Variants in PRODH2 observed in about 807,000 individuals in gnomAD.
PRODH2 encodes the protein hydroxyproline dehydrogenase.
PRODH2 carries 49 observed loss-of-function variants against 51.9 expected under a neutral mutation model. The ratio of observed to expected loss-of-function variants is 0.94; its 90% CI spans 0.75 to 1.20. The LOEUF (loss-of-function observed/expected upper bound fraction) is 1.20, where lower values mean the gene tolerates loss of function less well. Ranked by LOEUF, PRODH2 falls within the 50% of genes most tolerant of loss-of-function variation. The probability of loss-of-function intolerance (pLI) is 0.00; values close to 1 mark genes in which losing one functional copy is unlikely to be tolerated. For missense variants in PRODH2, 597 were observed against 610.9 expected, an observed-to-expected ratio of 0.98 and a Z score of 0.24; for synonymous variants, 249 against 260.7, an observed-to-expected ratio of 0.96 and a Z score of 0.43.
intron 4 of PRODH2, 110 bp downstream of exon 4, chr19:35,811,852 G>T: frequency 1.9e-6 from 2 of 1,058,650 alleles, no homozygotes; most frequent in African/African-American, 1.6e-5. Context: ...ACTTCTGCTG[G>T]CTGTTCCAAG....
intron 7 of PRODH2, among the ~76,000 whole-genome samples, chr19:35,805,755 T>C (rs1474927189): frequency 6.6e-6 from 1 of 152,210 alleles, no homozygotes; most frequent in Non-Finnish European, 1.5e-5. Flanking sequence ...CTGGAGCCCC[T>C]GCAGATCTTG....
In PRODH2 at chr19:35,802,966, A is replaced by G. The variant is rs1261534363; in HGVS notation, c.1112+2T>C. ...TTTCCCGCCCATCCCTCCACCTCAT[A>G]CCGCTTGGTTGCCTGGCGAACAGAT... On this transcript the variant is annotated splice_donor_variant, in intron 8 of 9. Transcript: ENST00000653904. LOFTEE classifies it high-confidence loss of function. The G allele has an allele frequency of 6.5e-7, 1 of 1,543,496 alleles. No homozygotes were observed. The highest frequency in any genetic ancestry group is 1.9e-5 in the Admixed American group (1 of 52,246).
chr19:35,812,350 C>T lies in PRODH2; in HGVS notation c.371+10G>A. 2 of 1,610,662 alleles carry T rather than the reference C, an allele frequency of 1.2e-6. No homozygotes were observed. The highest frequency in any genetic ancestry group is 1.7e-6 in the Non-Finnish European group (2 of 1,177,392). ...CTCCCAGCCTCCCTGGGCCCTGGCTCCCTACTCACCCACTCTTGGCAGCAG... is the reference window on the plus strand; with the variant it reads ...CTCCCAGCCTCCCTGGGCCCTGGCTTCCTACTCACCCACTCTTGGCAGCAG... On this transcript the variant is annotated intron_variant, in intron 2 of 9. Transcript: ENST00000653904.
rs773367641 is a variant in PRODH2, at chr19:35,806,809, G to T, written c.700C>A (p.Arg234=). 7.5e-6 allele frequency: 12 copies of T among 1,608,392 alleles called. No individual in the cohort carries two copies. The highest frequency in any genetic ancestry group is 1.7e-5 in the Admixed American group (1 of 59,272). ...GTGTACTCCGCATCCACCAGGAGCC[G>T]CACGTGCTGGGCCCGGGCATACTGA... ...VAQYARAQHV[R]LLVDAEYTSL... Residue 234 remains arginine (R), a synonymous_variant, in exon 6 of 10, where the codon CGG becomes AGG. Transcript: ENST00000653904.
intron 9 of PRODH2, 164 bp downstream of exon 9, chr19:35,802,027 C>A: frequency 1.5e-6 from 1 of 650,358 alleles, no homozygotes; most frequent in Non-Finnish European, 2.7e-6. Flanking sequence ...AAATGACAGA[C>A]GGCAGACACA....
At chr19:35,800,946 G>A (rs1422033374) in intron 9 of PRODH2, among the ~76,000 whole-genome samples, 2 of 152,120 alleles carry the variant, frequency 1.3e-5, no homozygotes, top group African/African-American at 2.4e-5. Flanking sequence ...CTGGAGGGCA[G>A]TGGCACAATC....
chr19:35,806,336 A>G, intron 7 of PRODH2, 94 bp downstream of exon 7: 2 of 1,464,042 alleles, frequency 1.4e-6, no homozygotes, highest in Non-Finnish European at 1.9e-6. Flanking sequence ...CTCTAGCCTC[A>G]GCCTCCCAAA....
chr19:35,806,690 G>A lies in PRODH2; in HGVS notation c.819C>T (p.Tyr273=), dbSNP rs147676909. 5.7e-5 allele frequency: 92 copies of A among 1,614,062 alleles called. No homozygotes were observed. Among genetic ancestry groups the A allele is most frequent in the Admixed American group, 1.8e-4 (11 of 59,992 alleles). ...GEGGPWVWNT[Y]QACLKDTFER... Reference sequence around the variant, plus strand: ...CACTGCACACCTTTAGACAGGCCTGGTAGGTGTTCCACACCCAGGGCCCGC... The same window carrying A: ...CACTGCACACCTTTAGACAGGCCTGATAGGTGTTCCACACCCAGGGCCCGC... The change falls in exon 6 of 10, where the codon TAC becomes TAT. Residue 273 remains tyrosine (Y), a synonymous_variant. Coordinates refer to ENST00000653904, the MANE Select transcript of PRODH2 (RefSeq NM_021232.2).
Position 35,806,535 on chromosome 19 carries a change from C to G in PRODH2, c.896G>C (p.Gly299Ala). ...EAAHRAGLAF[G>A]VKLVRGAYLD... ...ATATGCACCTCGTACCAGCTTCACTCCGAAGGCCAGGCCGGCCCTGTGCGC... is the reference window on the plus strand; with the variant it reads ...ATATGCACCTCGTACCAGCTTCACTGCGAAGGCCAGGCCGGCCCTGTGCGC... Residue 299 changes from glycine to alanine, a missense_variant, in exon 7 of 10, where the codon GGA (glycine) becomes GCA (alanine). By Grantham distance (60) the Gly-to-Ala change is moderately conservative. Coordinates refer to ENST00000653904, the MANE Select transcript of PRODH2 (RefSeq NM_021232.2). 6.2e-7 allele frequency: 1 copy of G among 1,614,190 alleles called. No individual in the cohort carries two copies. Among genetic ancestry groups the G allele is most frequent in the Non-Finnish European group, 8.5e-7 (1 of 1,180,040 alleles).
In PRODH2 at chr19:35,812,744, G is replaced by T. The variant is rs1349490937; in HGVS notation, c.62C>A (p.Ser21Tyr). ...GAAGGCCCCGCCATCAAAGCTCAGG[G>T]ACTGCCAGCCCCTGGAGGGGGGACC... ...QAGPPSRGWQ[S>Y]LSFDGGAFHL... The change falls in exon 1 of 10, where the codon TCC becomes TAC. Residue 21 changes from serine to tyrosine, a missense_variant. Ser to Tyr is a moderately radical substitution (Grantham distance 144). Coordinates refer to ENST00000653904, the MANE Select transcript of PRODH2 (RefSeq NM_021232.2). 6.2e-7 allele frequency: 1 copy of T among 1,611,282 alleles called. No individual in the cohort carries two copies.
intron 4 of PRODH2, 89 bp downstream of exon 4, chr19:35,811,873 G>T: frequency 7.8e-7 from 1 of 1,279,026 alleles, no homozygotes; most frequent in Non-Finnish European, 1.1e-6. Context: ...CCTGGAGGTG[G>T]CCGTAGCATT....
At chr19:35,800,974 C>A (rs769497738) in intron 9 of PRODH2, among the ~76,000 whole-genome samples, 1 of 152,156 alleles carries the variant, frequency 6.6e-6, no homozygotes, top group Non-Finnish European at 1.5e-5. Flanking sequence ...ACTGACCAAC[C>A]TGGCCAACAT....
intron 4 of PRODH2, among the ~76,000 whole-genome samples, chr19:35,808,288 G>C (rs73928313): frequency 0.02 from 2,978 of 152,286 alleles, 99 homozygotes; most frequent in African/African-American, 0.065. Flanking sequence ...CAGGGAGTCT[G>C]GCTGGGTTCA....
At chr19:35,805,695 C>T (rs1403711239) in intron 7 of PRODH2, among the ~76,000 whole-genome samples, 1 of 152,226 alleles carries the variant, frequency 6.6e-6, no homozygotes, top group Non-Finnish European at 1.5e-5. Flanking sequence ...CAGGTGCACA[C>T]CACTGTGCCT....
intron 4 of PRODH2, among the ~76,000 whole-genome samples, chr19:35,811,710 ACCT>A (rs1296259326): frequency 1.3e-5 from 2 of 151,956 alleles, no homozygotes; most frequent in Admixed American, 6.6e-5. Context: ...ACACTGATGT[ACCT>A]CCTTCTAATT....
chr19:35,810,786 G>A (rs909060292), intron 4 of PRODH2, among the ~76,000 whole-genome samples: 1 of 152,150 alleles, frequency 6.6e-6, no homozygotes, highest in Non-Finnish European at 1.5e-5. Flanking sequence ...CTCCCAAAGT[G>A]CTGGGATTAC....
chr19:35,812,171 T>G lies in PRODH2; in HGVS notation c.473A>C (p.Gln158Pro). Residue 158 changes from glutamine (Q) to proline (P), a missense_variant, in exon 3 of 10, where the codon CAG becomes CCG. Gln to Pro is a moderately conservative substitution (Grantham distance 76). Coordinates refer to ENST00000653904, the MANE Select transcript of PRODH2 (RefSeq NM_021232.2). ...PPSLAEASLM[Q>P]LKVTALTSTR... ...ACTGGTCAGCGCCGTCACCTTCAGC[T>G]GCATGAGGCTGGCCTCAGCCAGGCT... is the stretch of plus-strand genomic sequence containing the variant. 6.2e-7 allele frequency: 1 copy of G among 1,614,172 alleles called. No individual in the cohort carries two copies. The highest frequency in any genetic ancestry group is 8.5e-7 in the Non-Finnish European group (1 of 1,180,026).
In PRODH2 at chr19:35,812,659, C is replaced by A. The variant is rs1346875970; in HGVS notation, c.147G>T (p.Trp49Cys). Residue 49 changes from tryptophan to cysteine, a missense_variant, in exon 1 of 10, where the codon TGG (tryptophan) becomes TGT (cysteine). Transcript: ENST00000653904. ...RALLVLRLCAWPPLVTHGLLL... is the reference protein window; with the variant it reads ...RALLVLRLCACPPLVTHGLLL... ...ACAGCCCGTGAGTGACGAGTGGGGG[C>A]CAGGCACACAGCCGGAGAACCAGCA... is the stretch of plus-strand genomic sequence containing the variant. The A allele has an allele frequency of 1.9e-6, 3 of 1,595,648 alleles. No individual in the cohort carries two copies. The highest frequency in any genetic ancestry group is 1.7e-5 in the Admixed American group (1 of 58,752).
intron 8 of PRODH2, chr19:35,802,503 C>T: frequency 8.5e-6 from 5 of 588,426 alleles, no homozygotes; most frequent in Non-Finnish European, 1.5e-5. Context: ...TAAGGGGCAA[C>T]GTCTTGTCCA....
Sources: allele counts gnomAD v4.1 joint callset (sites outside exome capture counted in the v4.1 genomes callset), GRCh38; gene constraint gnomAD v4.1.1; transcripts MANE v1.5; gene names NCBI Gene and HGNC (gene_info 2026-07-23, HGNC 2026-07-21).